Variants in HIVEP3 observed in about 807,000 individuals in gnomAD.
HIVEP3 encodes the protein transcription factor HIVEP3.
In HIVEP3, 49 loss-of-function variants were observed where a neutral mutation model predicts 152.8. That is an observed-to-expected ratio of 0.32 (90% CI 0.26 to 0.41). HIVEP3 has a LOEUF of 0.41. HIVEP3 is among the 10% of genes least tolerant of loss of function. HIVEP3 has a pLI of 1.00. For synonymous variants in HIVEP3, 1,269 were observed against 1,289.0 expected (o/e 0.98, Z 0.33); for missense variants, 2,790 against 3,103.3 (o/e 0.90, Z 2.40).
At chr1:41,721,422 TC>T (rs1362607253) in intron 1 of HIVEP3, among the ~76,000 whole-genome samples, 2 of 152,286 alleles carry the variant, frequency 1.3e-5, no homozygotes, top group Non-Finnish European at 2.9e-5. Context: ...GTCAGGCTGG[TC>T]TCGAACTCCT....
intron 2 of HIVEP3, among the ~76,000 whole-genome samples, chr1:41,674,206 G>A (rs1645920068): frequency 1.3e-5 from 2 of 152,246 alleles, no homozygotes; most frequent in Non-Finnish European, 2.9e-5. Flanking sequence ...CCAATGCCCA[G>A]TCCAGTGCCT....
At chr1:41,587,934 G>T (rs1276999106) in intron 3 of HIVEP3, among the ~76,000 whole-genome samples, 1 of 152,216 alleles carries the variant, frequency 6.6e-6, no homozygotes, top group African/African-American at 2.4e-5. Context: ...TCCACGGCAA[G>T]AGGGAGTAAG....
chr1:41,925,438 A>G (rs1456556890), intron 1 of HIVEP3, among the ~76,000 whole-genome samples: 2 of 152,268 alleles, frequency 1.3e-5, no homozygotes, highest in Non-Finnish European at 2.9e-5. Flanking sequence ...AAATCATAAG[A>G]GAAAACATAT....
intron 1 of HIVEP3, among the ~76,000 whole-genome samples, chr1:41,916,125 ATCT>A (rs1283143589): frequency 6.6e-6 from 1 of 152,172 alleles, no homozygotes; most frequent in African/African-American, 2.4e-5. Flanking sequence ...GACTAAATGC[ATCT>A]TCTTCTTGCC....
At chr1:41,657,793 G>A (rs1257824528) in intron 2 of HIVEP3, among the ~76,000 whole-genome samples, 1 of 152,228 alleles carries the variant, frequency 6.6e-6, no homozygotes, top group African/African-American at 2.4e-5. Context: ...TCTGTGGGAC[G>A]CCATCGCTCA....
intron 1 of HIVEP3, among the ~76,000 whole-genome samples, chr1:41,720,391 G>A (rs763585507): frequency 1.6e-4 from 25 of 152,140 alleles, no homozygotes; most frequent in Admixed American, 9.2e-4. Context: ...AATAGCCTTG[G>A]GTCTGTCTAG....
intron 1 of HIVEP3, among the ~76,000 whole-genome samples, chr1:41,838,994 G>A (rs925060167): frequency 3.3e-5 from 5 of 152,134 alleles, no homozygotes; most frequent in African/African-American, 1.2e-4. Context: ...TTTCAAGAAG[G>A]GTGTCAAGGA....
intron 5 of HIVEP3, among the ~76,000 whole-genome samples, chr1:41,539,652 T>C (rs960756844): frequency 6.6e-6 from 1 of 152,218 alleles, no homozygotes; most frequent in Non-Finnish European, 1.5e-5. Context: ...TGGCCAGAGC[T>C]GGGAGGGCTG....
intron 5 of HIVEP3, among the ~76,000 whole-genome samples, chr1:41,545,000 C>CACCACT (rs1558047306): frequency 9.9e-6 from 1 of 100,900 alleles, no homozygotes; most frequent in African/African-American, 3.8e-5. Context: ...CCATCGCTAC[C>CACCACT]ATCACCACCA....
At chr1:41,912,460 C>T (rs548663836) in intron 1 of HIVEP3, among the ~76,000 whole-genome samples, 1 of 152,162 alleles carries the variant, frequency 6.6e-6, no homozygotes, top group Non-Finnish European at 1.5e-5. Flanking sequence ...GGCAAAGATG[C>T]TCTCCTCAAT....
At chr1:42,026,520 C>A (rs1198147846) in intron 1 of HIVEP3, among the ~76,000 whole-genome samples, 1 of 152,154 alleles carries the variant, frequency 6.6e-6, no homozygotes. Context: ...CTACCATTAT[C>A]AGAAACCAAA....
chr1:41,707,496 C>A (rs1464161665), intron 1 of HIVEP3, among the ~76,000 whole-genome samples: 2 of 152,200 alleles, frequency 1.3e-5, no homozygotes, highest in African/African-American at 4.8e-5. Flanking sequence ...AAGGCTGAGG[C>A]CCAAGTCCCC....
chr1:41,707,799 A>G (rs1646456203), intron 1 of HIVEP3, among the ~76,000 whole-genome samples: 1 of 152,236 alleles, frequency 6.6e-6, no homozygotes, highest in African/African-American at 2.4e-5. Flanking sequence ...AGTTGTGGGA[A>G]GAATAAAATG....
intron 3 of HIVEP3, among the ~76,000 whole-genome samples, chr1:41,590,672 T>C (rs1343377518): frequency 6.6e-6 from 1 of 152,122 alleles, no homozygotes; most frequent in Non-Finnish European, 1.5e-5. Flanking sequence ...ATCCAGGGGA[T>C]TGGAGTGTGA....
At chr1:41,908,199 C>G (rs989437119) in intron 1 of HIVEP3, among the ~76,000 whole-genome samples, 1 of 151,980 alleles carries the variant, frequency 6.6e-6, no homozygotes, top group East Asian at 1.9e-4. Context: ...AAAGCTGTAT[C>G]GGGAGAAATA....
chr1:41,745,271 T>C (rs1457714388), intron 1 of HIVEP3, among the ~76,000 whole-genome samples: 3 of 152,154 alleles, frequency 2.0e-5, no homozygotes, highest in Non-Finnish European at 4.4e-5. Context: ...ACAGATCACA[T>C]GGTGAAAAAG....
chr1:41,769,341 A>C (rs143580169), intron 1 of HIVEP3, among the ~76,000 whole-genome samples: 1 of 152,340 alleles, frequency 6.6e-6, no homozygotes, highest in East Asian at 1.9e-4. Context: ...TGTAGTATAC[A>C]ATCAAAAAGT....
At chr1:41,692,596 C>G (rs1417555578) in intron 2 of HIVEP3, among the ~76,000 whole-genome samples, 1 of 152,218 alleles carries the variant, frequency 6.6e-6, no homozygotes, top group Admixed American at 6.5e-5. Flanking sequence ...CTAGGAGCAA[C>G]AGTTCAGTAT....
chr1:41,809,502 C>T (rs1328764981), intron 1 of HIVEP3, among the ~76,000 whole-genome samples: 2 of 152,194 alleles, frequency 1.3e-5, no homozygotes, highest in African/African-American at 4.8e-5. Flanking sequence ...AAATTGTTTT[C>T]TCTCTCTGTC....
Sources: gnomAD v4.1 joint callset for allele counts (sites outside exome capture counted in the v4.1 genomes callset) on GRCh38, gnomAD v4.1.1 for gene constraint, MANE v1.5 for transcripts, NCBI Gene and HGNC (gene_info 2026-07-23, HGNC 2026-07-21) for gene names.